Variants in WDR49 observed in about 807,000 individuals in gnomAD.
WDR49 encodes the protein WD repeat domain 49.
Under a neutral mutation model 119.5 loss-of-function variants are expected in WDR49, and 107 were observed. The ratio of observed to expected loss-of-function variants is 0.90; its 90% CI spans 0.77 to 1.05. The LOEUF is 1.05. WDR49 is among the 50% of genes least tolerant of loss of function. The probability of loss-of-function intolerance (pLI) is 0.00; values close to 1 mark genes in which losing one functional copy is unlikely to be tolerated. For missense variants in WDR49, 1,240 were observed against 1,220.5 expected, an observed-to-expected ratio of 1.02 and a Z score of -0.24; for synonymous variants, 425 against 418.8, an observed-to-expected ratio of 1.01 and a Z score of -0.18.
chr3:167,516,179 ATGT>A (rs1467045910), intron 16 of WDR49, among the ~76,000 whole-genome samples: 1 of 152,118 alleles, frequency 6.6e-6, no homozygotes, highest in Non-Finnish European at 1.5e-5. Flanking sequence ...TACAAGTGCC[ATGT>A]TGTTGTGCTG....
At chr3:167,600,423 C>T (rs181500113) in intron 7 of WDR49, among the ~76,000 whole-genome samples, 3 of 152,280 alleles carry the variant, frequency 2.0e-5, no homozygotes, top group Admixed American at 2.0e-4. Flanking sequence ...ATTTCCTACC[C>T]TCTTTGGTGA....
intron 16 of WDR49, among the ~76,000 whole-genome samples, chr3:167,519,251 T>G (rs1355122070): frequency 2.0e-5 from 3 of 152,078 alleles, no homozygotes. Context: ...GAAATAGTAT[T>G]TAAACTACCA....
chr3:167,654,685 C>G (rs1405451330), upstream of WDR49, among the ~76,000 whole-genome samples: 2 of 152,014 alleles, frequency 1.3e-5, no homozygotes, highest in African/African-American at 4.8e-5. Flanking sequence ...GGCTTCAGCT[C>G]AGGAGTTCGA....
intron 16 of WDR49, among the ~76,000 whole-genome samples, chr3:167,508,294 C>T (rs1407748056): frequency 6.6e-6 from 1 of 152,202 alleles, no homozygotes; most frequent in Non-Finnish European, 1.5e-5. Flanking sequence ...ACAGGCAACA[C>T]AGAACACTGA....
intron 16 of WDR49, among the ~76,000 whole-genome samples, 189 bp from the exon 17 acceptor site, chr3:167,505,605 G>T (rs537403778): frequency 6.6e-6 from 1 of 152,326 alleles, no homozygotes; most frequent in South Asian, 2.1e-4. Context: ...TGCTAGCCAG[G>T]TGATAATAGA....
intron 18 of WDR49, among the ~76,000 whole-genome samples, chr3:167,488,656 A>G (rs1447561890): frequency 6.6e-6 from 1 of 152,156 alleles, no homozygotes; most frequent in Non-Finnish European, 1.5e-5. Context: ...TAACTTATTT[A>G]GAATCCTGGA....
At chr3:167,626,703 A>G (rs1377449005) in intron 3 of WDR49, 149 bp downstream of exon 3, 1 of 541,016 alleles carries the variant, frequency 1.8e-6, no homozygotes, top group Non-Finnish European at 2.8e-6. Flanking sequence ...AAGGCACCCA[A>G]GAAAACAGCT....
chr3:167,507,557 G>C (rs1751820113), intron 16 of WDR49, among the ~76,000 whole-genome samples: 2 of 152,086 alleles, frequency 1.3e-5, no homozygotes, highest in South Asian at 4.1e-4. Flanking sequence ...AAGATTGAGG[G>C]GGCAGGGGCC....
intron 10 of WDR49, among the ~76,000 whole-genome samples, chr3:167,554,384 T>C (rs1712789664): frequency 6.6e-6 from 1 of 152,196 alleles, no homozygotes. Context: ...GGGAAACTTT[T>C]GGAACCTAGG....
chr3:167,554,570 A>G, intron 10 of WDR49, 80 bp downstream of exon 10: 1 of 854,138 alleles, frequency 1.2e-6, no homozygotes, highest in Non-Finnish European at 1.7e-6. Flanking sequence ...AGCAAGTTTT[A>G]ATGACACAGA....
chr3:167,605,188 G>A (rs1044697737), intron 5 of WDR49, among the ~76,000 whole-genome samples: 6 of 151,984 alleles, frequency 3.9e-5, no homozygotes, highest in Non-Finnish European at 8.8e-5. Flanking sequence ...CTGAGAAGCA[G>A]GAAAATAGCT....
intron 7 of WDR49, among the ~76,000 whole-genome samples, chr3:167,584,202 C>A (rs1714693842): frequency 6.6e-6 from 1 of 151,956 alleles, no homozygotes; most frequent in Non-Finnish European, 1.5e-5. Context: ...TAGAAACAAC[C>A]TCAAGAAAGT....
rs556807184 is a variant in WDR49, at chr3:167,642,690, C to A, written c.165+10571G>T. Among the ~76,000 whole-genome samples, 4 of 152,020 alleles carry A rather than the reference C, an allele frequency of 2.6e-5. No individual in the cohort carries two copies. In the South Asian group the frequency reaches 8.3e-4, roughly 32 times the overall value. On this transcript the variant is annotated intron_variant, in intron 2 of 18. Coordinates refer to ENST00000682715, the MANE Select transcript of WDR49 (RefSeq NM_001366157.1). Reference sequence around the variant, plus strand: ...TACCCAGATCCTGTTATTCTCAATACCATTCTCCAATAAATGGAACTGGGG... The same window carrying A: ...TACCCAGATCCTGTTATTCTCAATAACATTCTCCAATAAATGGAACTGGGG...
At position 167,572,276 on chromosome 3, in the gene WDR49, C is replaced by T. The variant is rs556567764; in HGVS notation, c.1509+3642G>A. Among the ~76,000 whole-genome samples the T allele has an allele frequency of 1.8e-4, 28 of 152,280 alleles. No homozygotes were observed. In the South Asian group the frequency reaches 5.6e-3, roughly 30 times the overall value. On this transcript the variant is annotated intron_variant, in intron 8 of 18. Coordinates refer to ENST00000682715, the MANE Select transcript of WDR49 (RefSeq NM_001366157.1). ...ATTTCCTTTAAAAGGCTTTGCATGG[C>T]TTAACATCACTTTCCCAGACTAGGA...
chr3:167,652,035 C>CTGCT (rs748906493), intron 2 of WDR49, among the ~76,000 whole-genome samples: 22 of 152,174 alleles, frequency 1.4e-4, no homozygotes, highest in Non-Finnish European at 2.5e-4. Context: ...TGTCCTCAAG[C>CTGCT]TGTCAAAATG....
intron 5 of WDR49, among the ~76,000 whole-genome samples, chr3:167,609,410 T>A (rs1228260649): frequency 6.6e-6 from 1 of 151,848 alleles, no homozygotes; most frequent in Non-Finnish European, 1.5e-5. Flanking sequence ...AGCAGAGCAA[T>A]TATGTAGTAT....
intron 11 of WDR49, among the ~76,000 whole-genome samples, chr3:167,536,266 T>C (rs796968986): frequency 5.9e-5 from 9 of 152,328 alleles, no homozygotes; most frequent in African/African-American, 2.2e-4. Context: ...TGTGTAAGGC[T>C]ATTAATATGC....
intron 16 of WDR49, among the ~76,000 whole-genome samples, chr3:167,508,925 GAC>G (rs1751870544): frequency 6.6e-6 from 1 of 152,088 alleles, no homozygotes; most frequent in East Asian, 1.9e-4. Flanking sequence ...GAAATCTACT[GAC>G]AGAATAATTA....
In WDR49 at chr3:167,595,793, C is replaced by G. The variant is rs1348664554; in HGVS notation, c.1275+6334G>C. ...AGAAGAAAACCTAGGCATTACCATT[C>G]AGGACATAGGCATGGGCAAGGACTT... On this transcript the variant is annotated intron_variant, in intron 7 of 18. Coordinates refer to ENST00000682715, the MANE Select transcript of WDR49 (RefSeq NM_001366157.1). Among the ~76,000 whole-genome samples the G allele has an allele frequency of 2.3e-3, 356 of 151,798 alleles. 1 individual carries two copies. Among genetic ancestry groups the G allele is most frequent in the African/African-American group, 7.9e-3 (328 of 41,404 alleles).
Sources: gnomAD v4.1 joint callset for allele counts (sites outside exome capture counted in the v4.1 genomes callset) on GRCh38, gnomAD v4.1.1 for gene constraint, MANE v1.5 for transcripts, NCBI Gene and HGNC (gene_info 2026-07-23, HGNC 2026-07-21) for gene names.